RGS6: variants seen among roughly 807,000 people sequenced by gnomAD.
RGS6 encodes regulator of G-protein signaling 6.
Under a neutral mutation model 78.5 loss-of-function variants are expected in RGS6, and 30 were observed. That is an observed-to-expected ratio of 0.38 (90% CI 0.29 to 0.52). The LOEUF (loss-of-function observed/expected upper bound fraction) is 0.52. RGS6 is among the 20% of genes least tolerant of loss of function. RGS6 has a pLI of 0.85. For synonymous variants in RGS6, 206 were observed against 206.0 expected, an observed-to-expected ratio of 1.00 and a Z score of 0.00; for missense variants, 495 against 609.7, an observed-to-expected ratio of 0.81 and a Z score of 1.98.
In RGS6 at chr14:72,220,559, T is replaced by G. The variant is rs59577040; in HGVS notation, c.85-131536T>G. Among the ~76,000 whole-genome samples, 1,495 of 152,268 alleles carry G rather than the reference T, an allele frequency of 9.8e-3. 31 individuals are homozygous for G. The highest frequency in any genetic ancestry group is 0.034 in the African/African-American group (1,412 of 41,554). On this transcript the variant is annotated intron_variant, in intron 2 of 17. Coordinates refer to ENST00000553525, the MANE Select transcript of RGS6 (RefSeq NM_001204424.2). ...TTGGCTTTGGTTAATTGGAGTGAAGTGCCTACTGAAGGCAGCATTTTGGGA... is the reference window on the plus strand; with the variant it reads ...TTGGCTTTGGTTAATTGGAGTGAAGGGCCTACTGAAGGCAGCATTTTGGGA...
chr14:72,185,603 G>C (rs920112784), intron 2 of RGS6, among the ~76,000 whole-genome samples: 6 of 152,200 alleles, frequency 3.9e-5, no homozygotes, highest in African/African-American at 1.4e-4. Context: ...GGATTGTGAA[G>C]TAGATGTAAC....
At chr14:72,119,620 A>G (rs958873463) in intron 2 of RGS6, among the ~76,000 whole-genome samples, 10 of 152,226 alleles carry the variant, frequency 6.6e-5, no homozygotes, top group Non-Finnish European at 1.3e-4. Flanking sequence ...GATTTTAGCC[A>G]TCTATGAGCA....
chr14:72,180,257 A>C (rs1348815621), intron 2 of RGS6, among the ~76,000 whole-genome samples: 1 of 152,244 alleles, frequency 6.6e-6, no homozygotes, highest in African/African-American at 2.4e-5. Context: ...TAACAGTTGT[A>C]TTCCCAAGCA....
chr14:72,542,492 C>T (rs1244006293), intron 17 of RGS6, among the ~76,000 whole-genome samples: 1 of 152,210 alleles, frequency 6.6e-6, no homozygotes, highest in African/African-American at 2.4e-5. Flanking sequence ...ATACTGCAAG[C>T]TATAAAACTA....
intron 17 of RGS6, among the ~76,000 whole-genome samples, chr14:72,548,373 T>C (rs942823883): frequency 6.7e-6 from 1 of 149,206 alleles, no homozygotes; most frequent in Admixed American, 6.7e-5. Context: ...GTGTGTGTGT[T>C]TTAAATTCAG....
intron 2 of RGS6, among the ~76,000 whole-genome samples, chr14:72,053,680 T>A (rs567225051): frequency 2.0e-5 from 3 of 152,340 alleles, no homozygotes; most frequent in East Asian, 3.9e-4. Context: ...TCATACAAAG[T>A]AGGAGTTTAA....
In RGS6 at chr14:72,116,822, G is replaced by A. The variant is rs147642926; in HGVS notation, c.84+151947G>A. Among the ~76,000 whole-genome samples the A allele has an allele frequency of 7.1e-3, 1,085 of 151,984 alleles. 38 individuals are homozygous for A. The highest frequency in any genetic ancestry group is 0.062 in the Admixed American group (951 of 15,260). ...CTACTAAAAATACAAAAATTAACCAGGCTTCATGGTGGGCACCTGTCATCC... is the reference window on the plus strand; with the variant it reads ...CTACTAAAAATACAAAAATTAACCAAGCTTCATGGTGGGCACCTGTCATCC... On this transcript the variant is annotated intron_variant, in intron 2 of 17. Coordinates refer to ENST00000553525, the MANE Select transcript of RGS6 (RefSeq NM_001204424.2).
intron 2 of RGS6, among the ~76,000 whole-genome samples, chr14:72,089,764 T>C (rs1406657498): frequency 6.6e-6 from 1 of 152,210 alleles, no homozygotes; most frequent in Non-Finnish European, 1.5e-5. Flanking sequence ...TGATTCAAAT[T>C]TCTTCACCCA....
intron 2 of RGS6, among the ~76,000 whole-genome samples, chr14:72,236,681 G>T (rs2051136655): frequency 6.6e-6 from 1 of 152,118 alleles, no homozygotes; most frequent in African/African-American, 2.4e-5. Context: ...CGGTGGAGGG[G>T]CCGGGCAGAG....
chr14:72,043,336 T>A (rs1213480134), intron 2 of RGS6, among the ~76,000 whole-genome samples: 1 of 152,198 alleles, frequency 6.6e-6, no homozygotes, highest in African/African-American at 2.4e-5. Context: ...ACCTAGATTT[T>A]AAATTTTCTA....
chr14:72,489,678 T>C (rs932370353), intron 12 of RGS6, among the ~76,000 whole-genome samples: 2 of 151,840 alleles, frequency 1.3e-5, no homozygotes, highest in Non-Finnish European at 2.9e-5. Flanking sequence ...AGCCAAGGCA[T>C]GCCTGGAGCC....
chr14:72,013,265 C>T (rs142435472), intron 2 of RGS6, among the ~76,000 whole-genome samples: 17 of 108,036 alleles, frequency 1.6e-4, no homozygotes, highest in African/African-American at 3.0e-4. Flanking sequence ...AACAAGACTC[C>T]GTCTCCAAAA....
chr14:72,359,289 A>G (rs1329812740), intron 3 of RGS6, among the ~76,000 whole-genome samples: 1 of 152,036 alleles, frequency 6.6e-6, no homozygotes, highest in African/African-American at 2.4e-5. Flanking sequence ...AAAAGGAATT[A>G]GCCATGATCC....
chr14:72,340,914 G>A (rs2681767), intron 2 of RGS6, among the ~76,000 whole-genome samples: 70,741 of 152,006 alleles, frequency 0.47, 16,797 homozygotes, highest in South Asian at 0.6. Context: ...GGAAAGAAGC[G>A]GAACTTCAGT....
At chr14:72,440,210 T>G (rs1253129577) in intron 3 of RGS6, among the ~76,000 whole-genome samples, 1 of 152,142 alleles carries the variant, frequency 6.6e-6, no homozygotes, top group Non-Finnish European at 1.5e-5. Context: ...CAAAATCACC[T>G]AGGAGCTTGA....
At chr14:71,955,094 G>C (rs909619700) in intron 1 of RGS6, among the ~76,000 whole-genome samples, 3 of 152,172 alleles carry the variant, frequency 2.0e-5, no homozygotes. Flanking sequence ...TGTTTGCTGA[G>C]CTGTAGGTGC....
At chr14:72,542,539 G>A (rs570779307) in intron 17 of RGS6, among the ~76,000 whole-genome samples, 1 of 152,342 alleles carries the variant, frequency 6.6e-6, no homozygotes, top group African/African-American at 2.4e-5. Flanking sequence ...CTGTGTTGCT[G>A]GGAAAGATGT....
chr14:72,062,407 A>G (rs562392370), intron 2 of RGS6, among the ~76,000 whole-genome samples: 8 of 152,290 alleles, frequency 5.3e-5, no homozygotes, highest in East Asian at 3.9e-4. Flanking sequence ...GGGATTTTGA[A>G]TGTGAGAGAA....
rs573417310 is a variant in RGS6, at chr14:72,353,481, A to G, written c.184+1287A>G. On this transcript the variant is annotated intron_variant, in intron 3 of 17. Coordinates refer to ENST00000553525, the MANE Select transcript of RGS6 (RefSeq NM_001204424.2). ...GAAGCAGTCTCAAAGGTTACATGCT[A>G]TGTGATTTCAGGTATACAGCATTGT... Among the ~76,000 whole-genome samples, 16 of 152,314 alleles carry G rather than the reference A, an allele frequency of 1.1e-4. No homozygotes were observed. In the South Asian group the frequency reaches 3.1e-3, roughly 30 times the overall value.
Sources: gnomAD v4.1 joint callset for allele counts (sites outside exome capture counted in the v4.1 genomes callset) on GRCh38, gnomAD v4.1.1 for gene constraint, MANE v1.5 for transcripts, NCBI Gene and HGNC (gene_info 2026-07-23, HGNC 2026-07-21) for gene names.